The following ZC4H2 variants were observed in gnomAD, a reference collection of about 807,000 sequenced individuals.
ZC4H2 encodes zinc finger C4H2-type containing, also known as zinc finger C4H2 domain-containing protein.
For missense variants in ZC4H2, 137 were observed against 173.9 expected (o/e 0.79, Z 1.19); for synonymous variants, 84 against 66.3 (o/e 1.27, Z -1.30).
At chrX:65,028,613 C>T (rs994877031) in intron 1 of ZC4H2, among the ~76,000 whole-genome samples, 5 of 109,620 alleles carry the variant, frequency 4.6e-5, no homozygotes, top group African/African-American at 1.7e-4. Flanking sequence ...GTCACTGCAA[C>T]CTCTGCCTCC....
At chrX:64,973,383 T>A (rs960925900) in intron 1 of ZC4H2, among the ~76,000 whole-genome samples, 2 of 110,730 alleles carry the variant, frequency 1.8e-5, no homozygotes, top group Non-Finnish European at 3.8e-5. Flanking sequence ...TATTTAATAG[T>A]CTTCTGACAT....
At chrX:65,031,465 G>C (rs1932933051) in intron 1 of ZC4H2, among the ~76,000 whole-genome samples, 1 of 110,660 alleles carries the variant, frequency 9.0e-6, no homozygotes, top group African/African-American at 3.3e-5. Flanking sequence ...TACTGTGCCA[G>C]CACAGAGTTC....
chrX:64,943,756 C>T (rs968787574), intron 1 of ZC4H2, among the ~76,000 whole-genome samples: 1 of 111,136 alleles, frequency 9.0e-6, no homozygotes, highest in Non-Finnish European at 1.9e-5. Context: ...TAATACAGAA[C>T]AGTGATGGGT....
At chrX:64,987,874 T>TCCCTCCC (rs1406751451) in intron 1 of ZC4H2, among the ~76,000 whole-genome samples, 1 of 74,796 alleles carries the variant, frequency 1.3e-5, no homozygotes, top group Non-Finnish European at 2.5e-5. Context: ...CCTAATGCTA[T>TCCCTCCC]CCCTCCCCCC....
chrX:64,940,884 C>CT (rs1274846137), intron 1 of ZC4H2, among the ~76,000 whole-genome samples: 1 of 111,842 alleles, frequency 8.9e-6, no homozygotes, highest in Non-Finnish European at 1.9e-5. Flanking sequence ...TATACGGGCT[C>CT]TTTTTTGGTT....
intron 1 of ZC4H2, among the ~76,000 whole-genome samples, chrX:65,008,548 C>G (rs775528401): frequency 2.7e-5 from 3 of 112,043 alleles, no homozygotes; most frequent in Non-Finnish European, 5.6e-5. Context: ...AATAGCCAAG[C>G]TAAGGAATCA....
intron 1 of ZC4H2, among the ~76,000 whole-genome samples, chrX:64,926,499 C>T (rs1018857078): frequency 1.8e-5 from 2 of 111,855 alleles, no homozygotes; most frequent in Admixed American, 1.9e-4. Context: ...ATTTCACATG[C>T]CCACCAGCAA....
intron 1 of ZC4H2, among the ~76,000 whole-genome samples, chrX:64,926,768 A>G (rs1430874549): frequency 9.0e-6 from 1 of 111,699 alleles, no homozygotes; most frequent in East Asian, 2.8e-4. Flanking sequence ...TCACTTGTAC[A>G]TGGATTTTTT....
At chrX:64,965,949 C>CAAAAAAAA (rs148777993) in intron 1 of ZC4H2, among the ~76,000 whole-genome samples, 40 of 37,538 alleles carry the variant, frequency 1.1e-3, no homozygotes, top group African/African-American at 5.0e-3. Flanking sequence ...AACAAAGAAG[C>CAAAAAAAA]AAAAAAAAAA....
intron 1 of ZC4H2, among the ~76,000 whole-genome samples, chrX:64,932,262 T>C (rs1489147033): frequency 9.0e-6 from 1 of 111,281 alleles, no homozygotes; most frequent in Admixed American, 9.6e-5. Flanking sequence ...ATGCATTAGG[T>C]GAGTCTCTTG....
At chrX:65,012,845 G>A (rs1397543744) in intron 1 of ZC4H2, among the ~76,000 whole-genome samples, 3 of 111,707 alleles carry the variant, frequency 2.7e-5, no homozygotes, top group African/African-American at 9.8e-5. Context: ...CTTCAATTCC[G>A]GCCATCATAT....
At chrX:64,918,118 AAAG>A in intron 4 of ZC4H2, 1 of 336,997 alleles carries the variant, frequency 3.0e-6, no homozygotes, top group Non-Finnish European at 5.1e-6. Flanking sequence ...ACAAAACTAG[AAAG>A]TAAGGCAAAA....
chrX:64,945,572 G>A (rs1365172004), intron 1 of ZC4H2, among the ~76,000 whole-genome samples: 1 of 111,752 alleles, frequency 8.9e-6, no homozygotes, highest in Non-Finnish European at 1.9e-5. Context: ...GGACCCACTT[G>A]ACAAGGCAGT....
chrX:64,933,229 G>C lies in ZC4H2; in HGVS notation c.54-11241C>G, dbSNP rs751642705. Reference sequence around the variant, plus strand: ...TAGCTCTCATTGTTTTTTCCTTTATGATATCTATTCCTCTGAAAAAATTTT... The same window carrying C: ...TAGCTCTCATTGTTTTTTCCTTTATCATATCTATTCCTCTGAAAAAATTTT... On this transcript the variant is annotated intron_variant, in intron 1 of 4. Coordinates refer to ENST00000374839, the MANE Select transcript of ZC4H2 (RefSeq NM_018684.4). 2.3e-3 allele frequency among the ~76,000 whole-genome samples: 251 copies of C among 111,018 alleles called. 1 individual carries two copies. Among genetic ancestry groups the C allele is most frequent in the African/African-American group, 7.8e-3 (240 of 30,713 alleles).
chrX:64,952,863 A>G (rs761371728), intron 1 of ZC4H2, among the ~76,000 whole-genome samples: 2 of 111,645 alleles, frequency 1.8e-5, no homozygotes, highest in African/African-American at 3.3e-5. Context: ...CTCATTGCCA[A>G]GTCAACCCTA....
chrX:64,943,015 A>C (rs1461920626), intron 1 of ZC4H2, among the ~76,000 whole-genome samples: 3 of 111,918 alleles, frequency 2.7e-5, no homozygotes, highest in African/African-American at 9.8e-5. Context: ...TTTAATGATC[A>C]CCATTCTAAG....
chrX:64,942,545 T>C (rs954632229), intron 1 of ZC4H2, among the ~76,000 whole-genome samples: 5 of 101,868 alleles, frequency 4.9e-5, no homozygotes, highest in Non-Finnish European at 1.0e-4. Context: ...TATGTTCTCA[T>C]TGTTCAACTC....
intron 2 of ZC4H2, among the ~76,000 whole-genome samples, chrX:64,921,259 G>A (rs1287545195): frequency 2.7e-5 from 3 of 112,169 alleles, no homozygotes; most frequent in African/African-American, 9.7e-5. Flanking sequence ...TCCTTGTGAA[G>A]GAATCATCAG....
chrX:64,971,529 G>A (rs982754152), intron 1 of ZC4H2, among the ~76,000 whole-genome samples: 44 of 111,948 alleles, frequency 3.9e-4, no homozygotes, highest in African/African-American at 1.2e-3. Flanking sequence ...TGAGGTAACT[G>A]TGCAGAGAAT....
Sources: allele counts gnomAD v4.1 joint callset (sites outside exome capture counted in the v4.1 genomes callset), GRCh38; gene constraint gnomAD v4.1.1; transcripts MANE v1.5; gene names NCBI Gene and HGNC (gene_info 2026-07-23, HGNC 2026-07-21).